Variants in ZNF420 observed in about 807,000 individuals in gnomAD.
ZNF420 encodes zinc finger protein 420.
In ZNF420, 31 loss-of-function variants were observed where a neutral mutation model predicts 44.7. That is an observed-to-expected ratio of 0.69 (90% CI 0.52 to 0.94). The LOEUF (loss-of-function observed/expected upper bound fraction) is 0.94, where lower values mean the gene tolerates loss of function less well. Ranked by LOEUF, ZNF420 falls within the 40% of genes least tolerant of loss-of-function variation. ZNF420 has a pLI of 0.00. For synonymous variants in ZNF420, 245 were observed against 267.4 expected (o/e 0.92, Z 0.82); for missense variants, 681 against 827.9 (o/e 0.82, Z 2.18).
Position 37,130,280 on chromosome 19 carries a change from C to T in ZNF420, c.*1222C>T. The T allele has an allele frequency of 7.1e-7, 1 of 1,415,468 alleles. No homozygotes were observed. Among genetic ancestry groups the T allele is most frequent in the Non-Finnish European group, 9.3e-7 (1 of 1,080,388 alleles). 87.7% of individuals were successfully genotyped at this position (1,415,468 alleles called of 1,614,324 possible). On this transcript the variant is annotated 3_prime_UTR_variant, in exon 5 of 5. Coordinates refer to ENST00000337995, the MANE Select transcript of ZNF420 (RefSeq NM_144689.5). ...ATACTAGCTCTGGTCTGCTTGCCTC[C>T]TGTTTCTCTTTAAATAAAATTAAAC... is the stretch of plus-strand genomic sequence containing the variant.
chr19:37,062,625 T>C (rs774646634), intron 1 of ZNF420, among the ~76,000 whole-genome samples: 4 of 152,254 alleles, frequency 2.6e-5, no homozygotes, highest in African/African-American at 4.8e-5. Flanking sequence ...ATCACTTATG[T>C]TTTCCTAATT....
chr19:37,095,013 C>G (rs1969357595), intron 4 of ZNF420, among the ~76,000 whole-genome samples: 1 of 151,934 alleles, frequency 6.6e-6, no homozygotes, highest in Admixed American at 6.6e-5. Context: ...TGCCTGTAAT[C>G]CCAGCTACTC....
chr19:37,018,789 C>T (rs903184990), intron 1 of ZNF420, among the ~76,000 whole-genome samples: 4 of 152,040 alleles, frequency 2.6e-5, no homozygotes, highest in African/African-American at 9.7e-5. Flanking sequence ...AGGCTGGTCT[C>T]GAACTCCTGG....
chr19:37,028,543 C>T (rs1967193038), intron 1 of ZNF420, among the ~76,000 whole-genome samples: 1 of 152,198 alleles, frequency 6.6e-6, no homozygotes, highest in African/African-American at 2.4e-5. Context: ...ACTGCCTGCC[C>T]ATGTCTTTCT....
At chr19:37,080,215 C>G (rs1215632057) in intron 1 of ZNF420, 130 bp from the exon 2 acceptor site, 1 of 152,624 alleles carries the variant, frequency 6.6e-6, no homozygotes, top group Non-Finnish European at 1.5e-5. Context: ...AAGACTTATT[C>G]TAGTCTCCTC....
In ZNF420 at chr19:37,089,059, G is replaced by C; in HGVS notation, c.-60G>C. On this transcript the variant is annotated 5_prime_UTR_variant, in exon 3 of 5. Coordinates refer to ENST00000337995, the MANE Select transcript of ZNF420 (RefSeq NM_144689.5). ...CGTAGCTCTGCATTCTCCAGACTCT[G>C]TGCTTTCCTAAGATAGGAACCCAGA... 5.8e-6 allele frequency: 9 copies of C among 1,541,040 alleles called. No homozygotes were observed. The highest frequency in any genetic ancestry group is 8.1e-6 in the Non-Finnish European group (9 of 1,113,312).
chr19:37,114,750 T>C (rs1171567527), intron 4 of ZNF420, among the ~76,000 whole-genome samples: 1 of 150,792 alleles, frequency 6.6e-6, no homozygotes, highest in Non-Finnish European at 1.5e-5. Context: ...TTCCAGGGCA[T>C]CAGAAACTGA....
intron 1 of ZNF420, among the ~76,000 whole-genome samples, chr19:37,009,449 G>A (rs8110696): frequency 6.6e-6 from 1 of 151,988 alleles, no homozygotes. Context: ...CTGGACACCA[G>A]TGTTCGTCTC....
chr19:37,100,930 ATTTCT>A (rs1220053629), intron 4 of ZNF420, among the ~76,000 whole-genome samples: 1 of 149,218 alleles, frequency 6.7e-6, no homozygotes, highest in Non-Finnish European at 1.5e-5. Context: ...TTCCTCTTTA[ATTTCT>A]TTTGTCAATG....
rs780627236 is a variant in ZNF420, at chr19:37,012,760, A to ATGTGTGTGTGTG, written c.-125+4681_-125+4682insGTGTGTGTGTGT. 1.5e-3 allele frequency among the ~76,000 whole-genome samples: 150 copies of ATGTGTGTGTGTG among 102,010 alleles called. 1 individual carries two copies. The highest frequency in any genetic ancestry group is 3.7e-3 in the South Asian group (10 of 2,694). 66.9% of individuals were successfully genotyped at this position (102,010 alleles called of 152,430 possible). ...GGGTGTGCTTCTGTGCCACTGCTAT[A>ATGTGTGTGTGTG]TGTCTCTGTGTGTGTGTGTGTGTGT... On this transcript the variant is annotated intron_variant, in intron 1 of 4. Transcript: ENST00000587029.
intron 4 of ZNF420, among the ~76,000 whole-genome samples, chr19:37,096,967 C>G (rs1002473605): frequency 2.0e-5 from 3 of 150,028 alleles, no homozygotes; most frequent in Non-Finnish European, 3.0e-5. Context: ...GGCGTGATCT[C>G]GGCTCACTGC....
chr19:37,103,170 CT>C (rs1969874351), intron 4 of ZNF420, among the ~76,000 whole-genome samples: 1 of 151,966 alleles, frequency 6.6e-6, no homozygotes, highest in African/African-American at 2.4e-5. Context: ...CACAAAGTTT[CT>C]TTTGCTATTT....
chr19:37,063,472 G>T (rs1241972020), intron 1 of ZNF420, among the ~76,000 whole-genome samples: 1 of 152,058 alleles, frequency 6.6e-6, no homozygotes, highest in African/African-American at 2.4e-5. Flanking sequence ...AAGAAATGAT[G>T]TAATGCATGT....
rs757577695 is a variant in ZNF420 at position 37,127,537 on chromosome 19, C to G, written c.546C>G (p.Leu182=). 2 of 1,613,570 alleles carry G rather than the reference C, an allele frequency of 1.2e-6. No homozygotes were observed. The highest frequency in any genetic ancestry group is 1.7e-5 in the Admixed American group (1 of 59,996). The change falls in exon 5 of 5, where the codon CTC becomes CTG. Residue 182 remains leucine (L), a synonymous_variant. Coordinates refer to ENST00000337995, the MANE Select transcript of ZNF420 (RefSeq NM_144689.5). ...AGGCCTTTAGTCGTGATTCACAACT[C>G]AGTCTTCATCAGAGACTTCATACTG... is the stretch of plus-strand genomic sequence containing the variant. The part of the protein sequence containing the change: ...CGKAFSRDSQ[L]SLHQRLHTGE...
intron 1 of ZNF420, among the ~76,000 whole-genome samples, chr19:37,032,946 GTGGATA>G (rs1967290283): frequency 6.6e-6 from 1 of 152,184 alleles, no homozygotes; most frequent in African/African-American, 2.4e-5. Flanking sequence ...AATGTAGCTG[GTGGATA>G]TAGGAAGAGA....
chr19:37,116,636 G>A (rs868314450), intron 4 of ZNF420, among the ~76,000 whole-genome samples: 4 of 152,132 alleles, frequency 2.6e-5, no homozygotes, highest in Non-Finnish European at 2.9e-5. Flanking sequence ...CACTGTGTGC[G>A]AGCCGAAGCA....
At chr19:37,032,284 A>G (rs1967273566) in intron 1 of ZNF420, among the ~76,000 whole-genome samples, 1 of 151,442 alleles carries the variant, frequency 6.6e-6, no homozygotes, top group Non-Finnish European at 1.5e-5. Flanking sequence ...GTGAGCCGAG[A>G]TTGCGCCACT....
rs144289113 is a variant in ZNF420, at chr19:37,065,793, A to G, written c.-124-14552A>G. 2.9e-3 allele frequency among the ~76,000 whole-genome samples: 445 copies of G among 152,376 alleles called. 5 individuals carry two copies. Among genetic ancestry groups the G allele is most frequent in the African/African-American group, 0.01 (429 of 41,590 alleles). On this transcript the variant is annotated intron_variant, in intron 1 of 4. Transcript: ENST00000587029. ...ATTTGATACAAGAAAATACTCGTACAGTGGTCACTTAATTTTCAATAAAGG... is the reference window on the plus strand; with the variant it reads ...ATTTGATACAAGAAAATACTCGTACGGTGGTCACTTAATTTTCAATAAAGG...
intron 1 of ZNF420, among the ~76,000 whole-genome samples, chr19:37,023,697 T>A (rs1259288387): frequency 6.6e-6 from 1 of 152,124 alleles, no homozygotes; most frequent in Non-Finnish European, 1.5e-5. Context: ...GTTATAAAAA[T>A]ACATTATAAA....
Sources: gnomAD v4.1 joint callset for allele counts (sites outside exome capture counted in the v4.1 genomes callset) on GRCh38, gnomAD v4.1.1 for gene constraint, MANE v1.5 for transcripts, NCBI Gene and HGNC (gene_info 2026-07-23, HGNC 2026-07-21) for gene names.